Variants in ACYP2 observed in about 807,000 individuals in gnomAD.
The protein encoded by ACYP2 is acylphosphatase 2.
In ACYP2, 12 loss-of-function variants were observed where a neutral mutation model predicts 11.2. That is an observed-to-expected ratio of 1.08 (90% CI 0.69 to 1.74). ACYP2 has a LOEUF of 1.74. Ranked by LOEUF, ACYP2 falls within the 40% of genes most tolerant of loss-of-function variation. ACYP2 has a pLI of 0.00. For missense variants in ACYP2, 134 were observed against 101.9 expected (o/e 1.31, Z -1.35); for synonymous variants, 43 against 32.2 (o/e 1.33, Z -1.13).
At chr2:54,245,436 C>T (rs1009935890) in intron 6 of ACYP2, among the ~76,000 whole-genome samples, 1 of 152,084 alleles carries the variant, frequency 6.6e-6, no homozygotes, top group African/African-American at 2.4e-5. Context: ...GTTCCATTTG[C>T]AGTTTTTTGA....
chr2:54,159,609 G>A (rs1358555934), intron 6 of ACYP2, among the ~76,000 whole-genome samples: 1 of 152,098 alleles, frequency 6.6e-6, no homozygotes, highest in Non-Finnish European at 1.5e-5. Context: ...GTGCTAAGGG[G>A]CATAAGATGA....
At chr2:54,230,332 C>G (rs1226973341) in intron 6 of ACYP2, among the ~76,000 whole-genome samples, 1 of 152,106 alleles carries the variant, frequency 6.6e-6, no homozygotes, top group East Asian at 1.9e-4. Flanking sequence ...AGTTGGTCTC[C>G]ACAATCCTTT....
chr2:54,157,609 C>T (rs1682490030), intron 6 of ACYP2, among the ~76,000 whole-genome samples: 3 of 152,198 alleles, frequency 2.0e-5, no homozygotes, highest in Admixed American at 2.0e-4. Flanking sequence ...GTTTTAGGTA[C>T]TAGAATTCAG....
intron 2 of ACYP2, among the ~76,000 whole-genome samples, chr2:54,044,021 G>A (rs555025086): frequency 1.3e-5 from 2 of 152,236 alleles, no homozygotes; most frequent in Non-Finnish European, 2.9e-5. Context: ...AGGAGAGTTC[G>A]GGGCTGGGCA....
intron 2 of ACYP2, among the ~76,000 whole-genome samples, chr2:54,012,874 A>T (rs550569585): frequency 2.0e-5 from 3 of 152,082 alleles, no homozygotes; most frequent in East Asian, 3.9e-4. Flanking sequence ...GCTGGTGTTC[A>T]CAGTAGCCTA....
chr2:54,025,403 A>G (rs1674229960), intron 2 of ACYP2, among the ~76,000 whole-genome samples: 3 of 152,214 alleles, frequency 2.0e-5, no homozygotes, highest in Admixed American at 2.0e-4. Flanking sequence ...GCAGAACAGA[A>G]TAGAGAACCT....
At chr2:54,104,435 G>T (rs1198576481) in intron 4 of ACYP2, among the ~76,000 whole-genome samples, 1 of 152,104 alleles carries the variant, frequency 6.6e-6, no homozygotes, top group Non-Finnish European at 1.5e-5. Context: ...AACCATAAAA[G>T]GGCAAGCTTA....
Position 54,024,812 on chromosome 2 carries a change from C to T in ACYP2, c.63-26146C>T, listed in dbSNP as rs376416814. ...AAATCAAACTGTCGCTGTTTCCTGACGATATGATCATATACCTAGAAAACT... is the reference window on the plus strand; with the variant it reads ...AAATCAAACTGTCGCTGTTTCCTGATGATATGATCATATACCTAGAAAACT... On this transcript the variant is annotated intron_variant, in intron 2 of 6. Coordinates refer to ENST00000607452, the MANE Select transcript of ACYP2 (RefSeq NM_001320586.2). 2.4e-3 allele frequency among the ~76,000 whole-genome samples: 369 copies of T among 152,154 alleles called. 2 individuals carry two copies. Among genetic ancestry groups the T allele is most frequent in the Non-Finnish European group, 4.2e-3 (287 of 67,996 alleles).
chr2:54,094,624 T>A (rs1678418777), intron 4 of ACYP2, among the ~76,000 whole-genome samples: 1 of 151,514 alleles, frequency 6.6e-6, no homozygotes, highest in African/African-American at 2.4e-5. Flanking sequence ...TGCAGCCTCT[T>A]CCTCCTGTGC....
intron 2 of ACYP2, among the ~76,000 whole-genome samples, chr2:54,045,398 G>A (rs1337578822): frequency 1.3e-5 from 2 of 152,178 alleles, no homozygotes; most frequent in African/African-American, 4.8e-5. Context: ...GTGTTACTAT[G>A]CAGTGGGGAT....
chr2:53,972,068 G>C (rs1205279495), intron 1 of ACYP2, among the ~76,000 whole-genome samples: 1 of 152,226 alleles, frequency 6.6e-6, no homozygotes, highest in Non-Finnish European at 1.5e-5. Context: ...CCAGCACTTT[G>C]GGAGGCCGAG....
At chr2:54,039,638 G>C (rs1675114257) in intron 2 of ACYP2, among the ~76,000 whole-genome samples, 1 of 152,022 alleles carries the variant, frequency 6.6e-6, no homozygotes, top group African/African-American at 2.4e-5. Flanking sequence ...TGTTGCCCAA[G>C]CTGGTCTCGA....
In ACYP2 at chr2:54,025,214, A is replaced by G. The variant is rs191653143; in HGVS notation, c.63-25744A>G. ...CAATGACATTCTCATCATTCTTCACATAACTAGAAAAAATGATCCTAAAAT... is the reference window on the plus strand; with the variant it reads ...CAATGACATTCTCATCATTCTTCACGTAACTAGAAAAAATGATCCTAAAAT... On this transcript the variant is annotated intron_variant, in intron 2 of 6. Transcript: ENST00000607452. Among the ~76,000 whole-genome samples the G allele has an allele frequency of 2.5e-3, 375 of 152,302 alleles. 1 individual carries two copies. Among genetic ancestry groups the G allele is most frequent in the African/African-American group, 8.6e-3 (359 of 41,566 alleles).
chr2:54,084,012 C>T (rs1436496451), intron 4 of ACYP2, among the ~76,000 whole-genome samples: 1 of 152,124 alleles, frequency 6.6e-6, no homozygotes, highest in East Asian at 1.9e-4. Context: ...AGAAATGTCC[C>T]AAATATCCCC....
At chr2:54,133,932 A>G (rs1423823944) in intron 4 of ACYP2, among the ~76,000 whole-genome samples, 1 of 152,060 alleles carries the variant, frequency 6.6e-6, no homozygotes, top group African/African-American at 2.4e-5. Context: ...TGAGACTCCT[A>G]TAGTTTTGCA....
chr2:53,986,741 C>T (rs1226094140), intron 2 of ACYP2, among the ~76,000 whole-genome samples: 8 of 151,844 alleles, frequency 5.3e-5, no homozygotes, highest in African/African-American at 1.9e-4. Context: ...TCTCCTGCCT[C>T]AGCCTCCTGA....
chr2:54,255,899 T>C (rs1428973124), intron 6 of ACYP2: 2 of 1,614,112 alleles, frequency 1.2e-6, no homozygotes, highest in Non-Finnish European at 1.7e-6. Context: ...TGCCCCGCTT[T>C]GATGGCTCCA....
rs533795359 is a variant in ACYP2, at chr2:54,270,881, T to C, written c.405-33807T>C. On this transcript the variant is annotated intron_variant, in intron 6 of 6. Coordinates refer to ENST00000607452, the MANE Select transcript of ACYP2 (RefSeq NM_001320586.2). Reference sequence around the variant, plus strand: ...GTAAATAACTTCACTTGGTGAACATTGTTTTTCTGTATAATATATATCTAA... The same window carrying C: ...GTAAATAACTTCACTTGGTGAACATCGTTTTTCTGTATAATATATATCTAA... 4.6e-5 allele frequency among the ~76,000 whole-genome samples: 7 copies of C among 151,970 alleles called. No homozygotes were observed. The East Asian group carries it at 1.2e-3, about 25-fold the overall frequency.
chr2:54,039,258 A>ATTTTTTTT (rs112626580), intron 2 of ACYP2, among the ~76,000 whole-genome samples: 3 of 133,308 alleles, frequency 2.3e-5, no homozygotes, highest in African/African-American at 2.8e-5. Flanking sequence ...TCGTGCTTTA[A>ATTTTTTTT]TTTTTTTTTT....
Sources: gnomAD v4.1 joint callset for allele counts (sites outside exome capture counted in the v4.1 genomes callset) on GRCh38, gnomAD v4.1.1 for gene constraint, MANE v1.5 for transcripts, NCBI Gene and HGNC (gene_info 2026-07-23, HGNC 2026-07-21) for gene names.